Variants in SPATA17 observed in about 807,000 individuals in gnomAD.
The protein encoded by SPATA17 is spermatogenesis-associated protein 17.
SPATA17 carries 53 observed loss-of-function variants against 62.2 expected under a neutral mutation model. The ratio of observed to expected loss-of-function variants is 0.85; its 90% CI spans 0.68 to 1.07. The LOEUF (loss-of-function observed/expected upper bound fraction) is 1.07. SPATA17 is among the 50% of genes least tolerant of loss of function. The probability of loss-of-function intolerance (pLI) is 0.00; values close to 1 mark genes in which losing one functional copy is unlikely to be tolerated. For synonymous variants in SPATA17, 146 were observed against 146.8 expected, an observed-to-expected ratio of 0.99 and a Z score of 0.04; for missense variants, 466 against 425.5, an observed-to-expected ratio of 1.10 and a Z score of -0.84.
intron 5 of SPATA17, among the ~76,000 whole-genome samples, chr1:217,698,775 G>A (rs990896028): frequency 5.3e-5 from 8 of 151,998 alleles, no homozygotes; most frequent in Admixed American, 3.3e-4. Context: ...GCAGTTTCAT[G>A]TATCTCCCAC....
intron 5 of SPATA17, among the ~76,000 whole-genome samples, chr1:217,709,636 C>G (rs954813644): frequency 1.3e-5 from 2 of 152,054 alleles, no homozygotes; most frequent in African/African-American, 4.8e-5. Flanking sequence ...AGAAATTGGC[C>G]CCTCCCACAC....
intron 5 of SPATA17, among the ~76,000 whole-genome samples, chr1:217,691,258 T>C (rs1178528567): frequency 1.5e-5 from 2 of 134,784 alleles, no homozygotes; most frequent in Admixed American, 7.7e-5. Context: ...GAGCATTTCT[T>C]CATGTGTTTT....
intron 5 of SPATA17, among the ~76,000 whole-genome samples, chr1:217,732,679 C>T (rs1206254982): frequency 6.6e-6 from 1 of 152,108 alleles, no homozygotes; most frequent in Non-Finnish European, 1.5e-5. Context: ...TCTGTAAAGT[C>T]ATTTTATTTC....
intron 9 of SPATA17, among the ~76,000 whole-genome samples, chr1:217,824,268 G>A (rs1674935394): frequency 6.6e-6 from 1 of 151,358 alleles, no homozygotes; most frequent in African/African-American, 2.4e-5. Context: ...TTTACTTTGG[G>A]ATATTTTGTT....
At chr1:217,857,576 A>G (rs967559295) in intron 9 of SPATA17, among the ~76,000 whole-genome samples, 4 of 152,256 alleles carry the variant, frequency 2.6e-5, no homozygotes, top group East Asian at 3.9e-4. Context: ...AAAAAGTGAC[A>G]CTGTGCAAGT....
chr1:217,658,783 T>TA (rs1670501114), intron 3 of SPATA17, among the ~76,000 whole-genome samples: 1 of 151,944 alleles, frequency 6.6e-6, no homozygotes, highest in Non-Finnish European at 1.5e-5. Flanking sequence ...TAATAAATAA[T>TA]AATAAATAAA....
intron 4 of SPATA17, among the ~76,000 whole-genome samples, chr1:217,672,310 C>T (rs188350331): frequency 1.3e-3 from 192 of 152,168 alleles, no homozygotes; most frequent in African/African-American, 4.4e-3. Context: ...ACATGAATGG[C>T]GAGTGTTCAA....
At chr1:217,850,433 A>C in intron 9 of SPATA17, 2 of 1,319,300 alleles carry the variant, frequency 1.5e-6, no homozygotes, top group Non-Finnish European at 2.2e-6. Context: ...TGGACCAGGT[A>C]CAGGGTCAAC....
At chr1:217,684,947 AG>A (rs143640209) in intron 5 of SPATA17, among the ~76,000 whole-genome samples, 1 of 152,164 alleles carries the variant, frequency 6.6e-6, no homozygotes, top group African/African-American at 2.4e-5. Flanking sequence ...AGAGCAGTTA[AG>A]GGGGGAAGGC....
At chr1:217,813,973 T>C (rs944666992) in intron 9 of SPATA17, among the ~76,000 whole-genome samples, 10 of 152,198 alleles carry the variant, frequency 6.6e-5, no homozygotes, top group Admixed American at 1.3e-4. Context: ...CTACCTTTGC[T>C]TTTTAATCTG....
intron 1 of SPATA17, among the ~76,000 whole-genome samples, chr1:217,633,008 G>A (rs148395810): frequency 2.6e-5 from 4 of 152,038 alleles, no homozygotes; most frequent in South Asian, 4.2e-4. Flanking sequence ...GACCAGACTG[G>A]CCAACATGGC....
intron 5 of SPATA17, among the ~76,000 whole-genome samples, chr1:217,698,889 C>T (rs1671527073): frequency 6.6e-6 from 1 of 152,216 alleles, no homozygotes; most frequent in Non-Finnish European, 1.5e-5. Context: ...CACACCATCC[C>T]TAACTTCTGC....
At chr1:217,850,356 C>A in intron 9 of SPATA17, 1 of 706,898 alleles carries the variant, frequency 1.4e-6, no homozygotes, top group Non-Finnish European at 2.4e-6. Context: ...GGCTATAGTG[C>A]AGTGTAATGC....
chr1:217,680,973 A>T (rs1323322646), intron 4 of SPATA17, among the ~76,000 whole-genome samples: 7 of 137,110 alleles, frequency 5.1e-5, no homozygotes, highest in African/African-American at 1.8e-4. Flanking sequence ...TCACGCCTGT[A>T]ATCCCAGCAC....
intron 9 of SPATA17, among the ~76,000 whole-genome samples, chr1:217,853,597 G>A (rs1451879410): frequency 6.6e-6 from 1 of 152,166 alleles, no homozygotes; most frequent in East Asian, 1.9e-4. Flanking sequence ...ATCTGCAGTA[G>A]TTATGTTCTA....
intron 3 of SPATA17, among the ~76,000 whole-genome samples, chr1:217,660,891 A>G (rs962999065): frequency 3.3e-5 from 5 of 152,178 alleles, no homozygotes; most frequent in Admixed American, 6.5e-5. Flanking sequence ...TTTATAAGAA[A>G]CATTCTGAAT....
intron 5 of SPATA17, among the ~76,000 whole-genome samples, chr1:217,712,840 A>G (rs1671910134): frequency 6.6e-6 from 1 of 152,148 alleles, no homozygotes; most frequent in Non-Finnish European, 1.5e-5. Flanking sequence ...TCCAGAGACC[A>G]GCAGCACTCG....
intron 8 of SPATA17, among the ~76,000 whole-genome samples, chr1:217,795,252 A>G (rs1272047257): frequency 6.6e-6 from 1 of 152,020 alleles, no homozygotes; most frequent in African/African-American, 2.4e-5. Context: ...ATAATACAGT[A>G]TATAGCATTT....
intron 8 of SPATA17, among the ~76,000 whole-genome samples, chr1:217,789,942 C>T (rs879282834): frequency 1.3e-5 from 2 of 152,124 alleles, no homozygotes; most frequent in Non-Finnish European, 2.9e-5. Flanking sequence ...GAGGCTGAGG[C>T]ACAAGAATCG....
Sources: gnomAD v4.1 joint callset for allele counts (sites outside exome capture counted in the v4.1 genomes callset) on GRCh38, gnomAD v4.1.1 for gene constraint, MANE v1.5 for transcripts, NCBI Gene and HGNC (gene_info 2026-07-23, HGNC 2026-07-21) for gene names.